The following PRIM2 variants were observed in gnomAD, a reference collection of about 807,000 sequenced individuals.
PRIM2 encodes the protein DNA primase large subunit.
A neutral mutation model predicts 67.3 loss-of-function variants in PRIM2; 39 were observed. The observed-to-expected ratio is 0.58, with a 90% CI of 0.45 to 0.76. PRIM2 has a LOEUF of 0.76. Ranked by LOEUF, PRIM2 falls within the 30% of genes least tolerant of loss-of-function variation. The probability of loss-of-function intolerance (pLI) is 0.00; values close to 1 mark genes in which losing one functional copy is unlikely to be tolerated. For synonymous variants in PRIM2, 143 were observed against 198.7 expected, an observed-to-expected ratio of 0.72 and a Z score of 2.36; for missense variants, 398 against 598.7, an observed-to-expected ratio of 0.66 and a Z score of 3.50.
At chr6:57,561,024 A>T (rs1775616164) in intron 10 of PRIM2, among the ~76,000 whole-genome samples, 1 of 152,210 alleles carries the variant, frequency 6.6e-6, no homozygotes, top group African/African-American at 2.4e-5. Context: ...AAAGTCCTAG[A>T]TGACATCTTC....
intron 5 of PRIM2, among the ~76,000 whole-genome samples, chr6:57,366,792 G>A (rs1221420913): frequency 1.3e-5 from 2 of 152,152 alleles, no homozygotes; most frequent in East Asian, 1.9e-4. Context: ...GCATTGAAAC[G>A]TGGAGAGCAA....
intron 8 of PRIM2, among the ~76,000 whole-genome samples, chr6:57,529,126 C>G (rs1303522974): frequency 2.0e-5 from 3 of 152,042 alleles, no homozygotes; most frequent in Non-Finnish European, 4.4e-5. Flanking sequence ...CTAGCTAACA[C>G]GGTGAAACCC....
At chr6:57,406,689 A>C (rs1262465730) in intron 7 of PRIM2, among the ~76,000 whole-genome samples, 2 of 152,182 alleles carry the variant, frequency 1.3e-5, no homozygotes, top group African/African-American at 4.8e-5. Flanking sequence ...GGTTTCCCTT[A>C]AAATTTTAAA....
At chr6:57,282,403 T>G in the PRIM2 span, among the ~76,000 whole-genome samples, 1 of 152,170 alleles carries the variant, frequency 6.6e-6, no homozygotes, top group African/African-American at 2.4e-5. Flanking sequence ...GTTGGGTATC[T>G]CCAACTGCTT....
At chr6:57,269,536 G>T in the PRIM2 span, among the ~76,000 whole-genome samples, 5 of 151,774 alleles carry the variant, frequency 3.3e-5, no homozygotes, top group South Asian at 6.2e-4. Context: ...ATTAGCCCTT[G>T]GTCAGATGAG....
At chr6:57,528,939 A>T (rs1229837187) in intron 8 of PRIM2, among the ~76,000 whole-genome samples, 1 of 152,218 alleles carries the variant, frequency 6.6e-6, no homozygotes, top group Admixed American at 6.5e-5. Flanking sequence ...TGGCATTATT[A>T]GTGCCATTTT....
chr6:57,222,608 C>A, the PRIM2 span, among the ~76,000 whole-genome samples: 2 of 152,094 alleles, frequency 1.3e-5, no homozygotes, highest in African/African-American at 4.8e-5. Flanking sequence ...CTTAAGTGGC[C>A]AAGTGAGCAA....
rs557045841 is a variant in PRIM2 at position 57,400,655 on chromosome 6, A to G, written c.693+18487A>G. On this transcript the variant is annotated intron_variant, in intron 7 of 13. Coordinates refer to ENST00000615550, the MANE Select transcript of PRIM2 (RefSeq NM_000947.5). ...TTTAACTGTTGGCCTCTCTCACAAG[A>G]TTAGGAAAGTTTTCATGGATGATAT... is the stretch of plus-strand genomic sequence containing the variant. Among the ~76,000 whole-genome samples the G allele has an allele frequency of 1.4e-3, 210 of 152,340 alleles. 3 individuals are homozygous for G. Among genetic ancestry groups the G allele is most frequent in the Non-Finnish European group, 2.5e-3 (170 of 68,036 alleles).
chr6:57,595,474 C>G (rs1472084312), intron 10 of PRIM2, among the ~76,000 whole-genome samples: 1 of 152,008 alleles, frequency 6.6e-6, no homozygotes, highest in Non-Finnish European at 1.5e-5. Flanking sequence ...GTGCAGATCT[C>G]TCATGGATTA....
rs546955926 is a variant in PRIM2, at chr6:57,399,044, T to C, written c.693+16876T>C. Among the ~76,000 whole-genome samples the C allele has an allele frequency of 1.7e-3, 264 of 152,206 alleles. 1 individual carries two copies. Among genetic ancestry groups the C allele is most frequent in the Middle Eastern group, 6.8e-3 (2 of 294 alleles). ...TTTATTTATTTAATTATTTTTTATT[T>C]ATCTATTTTATTATACTTTAGGTTC... On this transcript the variant is annotated intron_variant, in intron 7 of 13. Transcript: ENST00000615550.
intron 5 of PRIM2, among the ~76,000 whole-genome samples, chr6:57,349,216 C>CCTAT (rs1200805848): frequency 6.6e-6 from 1 of 152,158 alleles, no homozygotes; most frequent in Non-Finnish European, 1.5e-5. Flanking sequence ...CTCCAACTAG[C>CCTAT]CTATGAGTTG....
intron 7 of PRIM2, among the ~76,000 whole-genome samples, chr6:57,479,364 G>A (rs1443205841): frequency 6.6e-6 from 1 of 151,922 alleles, no homozygotes; most frequent in Non-Finnish European, 1.5e-5. Context: ...TAAAAAAAAA[G>A]CATCAAACTT....
At chr6:57,509,433 C>T (rs1430620429) in intron 8 of PRIM2, among the ~76,000 whole-genome samples, 1 of 152,198 alleles carries the variant, frequency 6.6e-6, no homozygotes, top group African/African-American at 2.4e-5. Flanking sequence ...TTGAGTATAT[C>T]TCTTGCTATC....
intron 5 of PRIM2, among the ~76,000 whole-genome samples, chr6:57,363,404 G>C (rs7748509): frequency 6.6e-6 from 1 of 152,160 alleles, no homozygotes; most frequent in East Asian, 1.9e-4. Context: ...CTGTCTTCAT[G>C]TTGCATTAGT....
chr6:57,317,445 A>G (rs1372882396), upstream of PRIM2, among the ~76,000 whole-genome samples: 4 of 151,658 alleles, frequency 2.6e-5, no homozygotes, highest in African/African-American at 7.2e-5. Flanking sequence ...TAAAATTTGG[A>G]AAAAAAATCC....
At chr6:57,615,371 T>C (rs1369615134) in intron 12 of PRIM2, among the ~76,000 whole-genome samples, 6 of 146,432 alleles carry the variant, frequency 4.1e-5, no homozygotes, top group Non-Finnish European at 7.5e-5. Context: ...GAGTGAGCCA[T>C]GATCATGCCA....
At chr6:57,285,508 C>T in the PRIM2 span, among the ~76,000 whole-genome samples, 8 of 152,142 alleles carry the variant, frequency 5.3e-5, no homozygotes, top group East Asian at 1.2e-3. Context: ...AGAAACAGAA[C>T]GAATGACAAA....
intron 7 of PRIM2, among the ~76,000 whole-genome samples, chr6:57,396,828 G>A (rs573689095): frequency 2.6e-5 from 4 of 152,200 alleles, no homozygotes; most frequent in Non-Finnish European, 5.9e-5. Flanking sequence ...AAGATTTAGA[G>A]CTCCTTTTAG....
In PRIM2 at chr6:57,541,019, T is replaced by C. The variant is rs1228294300; in HGVS notation, c.1020+3394T>C. On this transcript the variant is annotated intron_variant, in intron 10 of 13. Transcript: ENST00000615550. Reference sequence around the variant, plus strand: ...TATCATAAACCTTGAATAACACCATTGGGCTCATAGGAAGTGTCACTAGTA... The same window carrying C: ...TATCATAAACCTTGAATAACACCATCGGGCTCATAGGAAGTGTCACTAGTA... Among the ~76,000 whole-genome samples, 212 of 152,338 alleles carry C rather than the reference T, an allele frequency of 1.4e-3. 5 individuals are homozygous for C. In the East Asian group the frequency reaches 0.019, roughly 14 times the overall value.
Sources: allele counts gnomAD v4.1 joint callset (sites outside exome capture counted in the v4.1 genomes callset), GRCh38; gene constraint gnomAD v4.1.1; transcripts MANE v1.5; gene names NCBI Gene and HGNC (gene_info 2026-07-23, HGNC 2026-07-21).